Variants in RBFOX1 observed in about 807,000 individuals in gnomAD.
RBFOX1 encodes RNA binding protein fox-1 homolog 1.
A neutral mutation model predicts 57.7 loss-of-function variants in RBFOX1; 8 were observed. The ratio of observed to expected loss-of-function variants is 0.14; its 90% confidence interval spans 0.08 to 0.25. The LOEUF (loss-of-function observed/expected upper bound fraction) is 0.25, where lower values mean the gene tolerates loss of function less well. Among genes scored for constraint, RBFOX1 ranks in the 10% least tolerant of loss-of-function variants. The probability of loss-of-function intolerance (pLI) is 1.00; values close to 1 mark genes in which losing one functional copy is unlikely to be tolerated. For synonymous variants in RBFOX1, 326 were observed against 222.4 expected (o/e 1.47, Z -4.15); for missense variants, 611 against 548.5 (o/e 1.11, Z -1.14).
chr16:5,409,422 C>T (rs1026912369), intron 1 of RBFOX1, among the ~76,000 whole-genome samples: 1 of 152,204 alleles, frequency 6.6e-6, no homozygotes, highest in African/African-American at 2.4e-5. Context: ...TTTAGGTCTC[C>T]GGAGGCTTTT....
intron 11 of RBFOX1, among the ~76,000 whole-genome samples, chr16:7,632,189 G>A (rs770917030): frequency 3.5e-4 from 53 of 152,134 alleles, no homozygotes; most frequent in Non-Finnish European, 5.9e-4. Flanking sequence ...AATTACAGGC[G>A]TGAGCCACTG....
At chr16:7,199,305 G>T (rs1394159460) in intron 4 of RBFOX1, among the ~76,000 whole-genome samples, 1 of 150,086 alleles carries the variant, frequency 6.7e-6, no homozygotes, top group Non-Finnish European at 1.5e-5. Flanking sequence ...TAATAATTCA[G>T]GATCCACTGA....
At position 7,330,365 on chromosome 16, in the gene RBFOX1, A is replaced by G. The variant is rs558506884; in HGVS notation, c.28-187782A>G. On this transcript the variant is annotated intron_variant, in intron 4 of 15. Coordinates refer to ENST00000550418, the MANE Select transcript of RBFOX1 (RefSeq NM_018723.4). ...ATAATGACAAGAACAAACAGTCTGTATATGTTCAGTGCAGGTGCAGAGGTT... is the reference window on the plus strand; with the variant it reads ...ATAATGACAAGAACAAACAGTCTGTGTATGTTCAGTGCAGGTGCAGAGGTT... Among the ~76,000 whole-genome samples the G allele has an allele frequency of 2.2e-5, 3 of 137,766 alleles. No individual in the cohort carries two copies. The South Asian group carries it at 7.3e-4, about 34-fold the overall frequency. The allele number at this position is 137,766 out of a possible 152,430, so 90.4% of individuals were successfully genotyped here.
chr16:6,371,293 G>A (rs753850693), intron 2 of RBFOX1, among the ~76,000 whole-genome samples: 13 of 151,956 alleles, frequency 8.6e-5, no homozygotes, highest in Non-Finnish European at 1.5e-4. Flanking sequence ...TGATTATTAC[G>A]GCTATCAAAT....
chr16:6,955,339 C>A (rs1452364354), intron 3 of RBFOX1, among the ~76,000 whole-genome samples: 2 of 116,154 alleles, frequency 1.7e-5, no homozygotes, highest in African/African-American at 7.7e-5. Flanking sequence ...TTAAGCCTTC[C>A]CCACATATGC....
chr16:6,745,837 C>G (rs953284940), intron 3 of RBFOX1, among the ~76,000 whole-genome samples: 2 of 152,170 alleles, frequency 1.3e-5, no homozygotes, highest in Non-Finnish European at 2.9e-5. Flanking sequence ...AAGAAAAAAA[C>G]TGTCTTTATT....
chr16:7,576,445 T>C (rs1240626275), intron 5 of RBFOX1, among the ~76,000 whole-genome samples: 1 of 152,202 alleles, frequency 6.6e-6, no homozygotes, highest in East Asian at 1.9e-4. Context: ...CACTCTTCTT[T>C]TTCCCTTTCC....
chr16:7,600,934 G>A (rs1176265791), intron 9 of RBFOX1, among the ~76,000 whole-genome samples: 1 of 152,170 alleles, frequency 6.6e-6, no homozygotes, highest in African/African-American at 2.4e-5. Flanking sequence ...CCACAAAGAG[G>A]GGATTGGACT....
intron 2 of RBFOX1, among the ~76,000 whole-genome samples, chr16:6,359,976 A>C (rs953834699): frequency 6.6e-6 from 1 of 152,206 alleles, no homozygotes; most frequent in Non-Finnish European, 1.5e-5. Flanking sequence ...CCATTCTTTT[A>C]ATTGTTAATT....
At chr16:6,404,898 C>T (rs990024388) in intron 2 of RBFOX1, among the ~76,000 whole-genome samples, 9 of 152,172 alleles carry the variant, frequency 5.9e-5, no homozygotes, top group African/African-American at 2.2e-4. Context: ...AAGGAAGAAG[C>T]CTGGCTATCC....
Position 7,440,270 on chromosome 16 carries a change from G to C in RBFOX1, c.28-77877G>C, listed in dbSNP as rs566153383. Among the ~76,000 whole-genome samples the C allele has an allele frequency of 6.6e-5, 10 of 152,254 alleles. No homozygotes were observed. In the East Asian group the frequency reaches 1.9e-3, roughly 29 times the overall value. ...TTCCCAATTAAACAGCAGAGAGTTT[G>C]TTATCCCAGCCACAGCATATTAGGG... On this transcript the variant is annotated intron_variant, in intron 4 of 15. Coordinates refer to ENST00000550418, the MANE Select transcript of RBFOX1 (RefSeq NM_018723.4).
chr16:7,381,175 C>T (rs931000969), intron 4 of RBFOX1, among the ~76,000 whole-genome samples: 14 of 152,194 alleles, frequency 9.2e-5, no homozygotes, highest in African/African-American at 3.4e-4. Flanking sequence ...CCACGTTAAA[C>T]TTAAAACAGC....
At chr16:5,738,517 C>T (rs529296777) in intron 3 of RBFOX1, among the ~76,000 whole-genome samples, 11 of 150,918 alleles carry the variant, frequency 7.3e-5, no homozygotes, top group Non-Finnish European at 1.3e-4. Context: ...GTCTGTAATC[C>T]CAGCTACTCA....
intron 3 of RBFOX1, among the ~76,000 whole-genome samples, chr16:6,858,994 T>C (rs2058401319): frequency 6.6e-6 from 1 of 151,126 alleles, no homozygotes; most frequent in African/African-American, 2.4e-5. Context: ...TTAGCTTAGC[T>C]GACCAGGTCA....
chr16:6,546,952 A>G (rs911925847), intron 2 of RBFOX1, among the ~76,000 whole-genome samples: 14 of 152,318 alleles, frequency 9.2e-5, no homozygotes, highest in African/African-American at 1.2e-4. Context: ...CGTAGATTCA[A>G]TTAACTTTCA....
chr16:7,076,653 A>C (rs2058352574), intron 4 of RBFOX1, among the ~76,000 whole-genome samples: 1 of 152,224 alleles, frequency 6.6e-6, no homozygotes, highest in Admixed American at 6.5e-5. Flanking sequence ...ATAATATACC[A>C]TCATACTAAC....
At chr16:5,716,252 A>G (rs1399943395) in intron 3 of RBFOX1, among the ~76,000 whole-genome samples, 2 of 152,224 alleles carry the variant, frequency 1.3e-5, no homozygotes, top group Non-Finnish European at 2.9e-5. Context: ...CAAAAACTGC[A>G]GTTAATTTTG....
At chr16:6,032,455 C>A (rs1024348055) in intron 1 of RBFOX1, among the ~76,000 whole-genome samples, 2 of 152,164 alleles carry the variant, frequency 1.3e-5, no homozygotes, top group Non-Finnish European at 2.9e-5. Flanking sequence ...GGGATCCACT[C>A]CAGGGAGAAA....
At chr16:7,264,473 G>A (rs573171512) in intron 4 of RBFOX1, among the ~76,000 whole-genome samples, 1 of 152,314 alleles carries the variant, frequency 6.6e-6, no homozygotes, top group South Asian at 2.1e-4. Context: ...CTCTGAGCTA[G>A]TTTTTCTGTA....
Sources: gnomAD v4.1 joint callset for allele counts (sites outside exome capture counted in the v4.1 genomes callset) on GRCh38, gnomAD v4.1.1 for gene constraint, MANE v1.5 for transcripts, NCBI Gene and HGNC (gene_info 2026-07-23, HGNC 2026-07-21) for gene names.